Variants in RALGPS1 observed in about 807,000 individuals in gnomAD.
The protein encoded by RALGPS1 is Ral GEF with PH domain and SH3 binding motif 1, also known as ras-specific guanine nucleotide-releasing factor RalGPS1.
Under a neutral mutation model 78.8 loss-of-function variants are expected in RALGPS1, and 19 were observed. The observed-to-expected ratio is 0.24, with a 90% CI of 0.17 to 0.35. RALGPS1 has a LOEUF of 0.35. RALGPS1 is among the 10% of genes least tolerant of loss of function. The pLI is 1.00. For synonymous variants in RALGPS1, 228 were observed against 256.3 expected (o/e 0.89, Z 1.06); for missense variants, 454 against 688.3 (o/e 0.66, Z 3.81).
intron 1 of RALGPS1, among the ~76,000 whole-genome samples, chr9:126,950,326 A>G (rs1044495103): frequency 1.3e-5 from 2 of 152,196 alleles, no homozygotes; most frequent in Non-Finnish European, 2.9e-5. Flanking sequence ...TGAACTTTAA[A>G]GTAGTTTTTT....
chr9:127,189,800 G>C (rs2060923323), intron 11 of RALGPS1, among the ~76,000 whole-genome samples: 1 of 151,972 alleles, frequency 6.6e-6, no homozygotes, highest in Non-Finnish European at 1.5e-5. Context: ...GCCTAACCCA[G>C]CGAGGGGCCA....
At chr9:126,982,949 T>TTTTC (rs2041451762) in intron 4 of RALGPS1, among the ~76,000 whole-genome samples, 1 of 136,624 alleles carries the variant, frequency 7.3e-6, no homozygotes, top group Non-Finnish European at 1.6e-5. Context: ...TTTTTTTTTT[T>TTTTC]TTTTGAGGTG....
At chr9:127,149,330 T>A (rs563640968) in intron 8 of RALGPS1, among the ~76,000 whole-genome samples, 10 of 152,180 alleles carry the variant, frequency 6.6e-5, no homozygotes, top group Admixed American at 1.3e-4. Flanking sequence ...CTCAGAAGGT[T>A]TTGTTGTGAG....
intron 9 of RALGPS1, among the ~76,000 whole-genome samples, chr9:127,167,798 C>A (rs1008543195): frequency 6.6e-6 from 1 of 152,242 alleles, no homozygotes; most frequent in Non-Finnish European, 1.5e-5. Flanking sequence ...CTTTTCTGTT[C>A]CTCTTCACGA....
chr9:126,923,977 A>T (rs751638525), intron 1 of RALGPS1, among the ~76,000 whole-genome samples: 2 of 152,228 alleles, frequency 1.3e-5, no homozygotes, highest in Non-Finnish European at 2.9e-5. Context: ...AATGAGCATC[A>T]CTATGGCCTT....
intron 8 of RALGPS1, chr9:127,108,717 G>C: frequency 1.2e-6 from 2 of 1,607,960 alleles, no homozygotes; most frequent in Non-Finnish European, 1.7e-6. Flanking sequence ...AGCATGTCAC[G>C]CACAGTGGCC....
intron 8 of RALGPS1, among the ~76,000 whole-genome samples, chr9:127,077,503 C>T (rs1387405245): frequency 3.3e-5 from 5 of 152,210 alleles, no homozygotes; most frequent in South Asian, 2.1e-4. Context: ...AAGGATGCGG[C>T]AGAGCTGCTG....
chr9:127,083,723 T>C (rs1005439833), intron 8 of RALGPS1, among the ~76,000 whole-genome samples: 1 of 152,196 alleles, frequency 6.6e-6, no homozygotes, highest in African/African-American at 2.4e-5. Flanking sequence ...GGACTTTTCT[T>C]TTCCCAGTCA....
intron 11 of RALGPS1, among the ~76,000 whole-genome samples, chr9:127,188,832 T>TTTAAAAAAAAAAAAAAAAAAAAAAAAAAA (rs756481918): frequency 1.1e-5 from 1 of 87,472 alleles, no homozygotes; most frequent in African/African-American, 4.3e-5. Context: ...CCATCTCTAC[T>TTTAAAAAAAAAAAAAAAAAAAAAAAAAAA]AAAAAAAAAA....
intron 8 of RALGPS1, among the ~76,000 whole-genome samples, chr9:127,102,324 C>T (rs772828735): frequency 2.2e-5 from 3 of 137,958 alleles, no homozygotes; most frequent in Non-Finnish European, 4.6e-5. Context: ...TAACTTAATA[C>T]TACTTTATTT....
At chr9:127,065,419 A>G (rs983867666) in intron 7 of RALGPS1, among the ~76,000 whole-genome samples, 2 of 151,880 alleles carry the variant, frequency 1.3e-5, no homozygotes, top group Non-Finnish European at 2.9e-5. Flanking sequence ...GCCTTAAAAT[A>G]TTTTTGTAGA....
intron 11 of RALGPS1, chr9:127,184,116 A>T (rs1384037060): frequency 6.9e-7 from 1 of 1,450,792 alleles, no homozygotes; most frequent in African/African-American, 1.4e-5. Context: ...ACTTGAGCCC[A>T]GGAGTTCAAG....
chr9:127,157,830 C>T (rs2058787736), intron 8 of RALGPS1, among the ~76,000 whole-genome samples: 1 of 152,064 alleles, frequency 6.6e-6, no homozygotes, highest in African/African-American at 2.4e-5. Context: ...CATTTGTTGT[C>T]TTGCTTTATC....
At chr9:126,942,321 T>G (rs143453498) in intron 1 of RALGPS1, among the ~76,000 whole-genome samples, 2,227 of 152,262 alleles carry the variant, frequency 0.015, 30 homozygotes, top group Middle Eastern at 0.065. Flanking sequence ...TTTTAAAAAT[T>G]TGATCTGTGT....
chr9:127,207,246 C>A (rs2061984756), intron 14 of RALGPS1, among the ~76,000 whole-genome samples: 1 of 152,142 alleles, frequency 6.6e-6, no homozygotes, highest in African/African-American at 2.4e-5. Context: ...TCACCTTGTA[C>A]ACCCCTTGGG....
At chr9:127,124,118 A>G (rs1589626496) in intron 8 of RALGPS1, among the ~76,000 whole-genome samples, 2 of 152,198 alleles carry the variant, frequency 1.3e-5, no homozygotes, top group East Asian at 1.9e-4. Flanking sequence ...AGACCCTGAC[A>G]CTTCACCCAT....
At position 126,966,224 on chromosome 9, in the gene RALGPS1, AAATTCATGTACAG is replaced by A. The variant is rs1222799683; in HGVS notation, c.165+275_165+287del. On this transcript the variant is annotated intron_variant, in intron 3 of 18. Transcript: ENST00000259351. ...GTTTGTGGAGAACGTGCAATTTAAAAAATTCATGTACAGACTGGGCAAGGTGGCTCACGCCTAT... is the reference window on the plus strand; with the variant it reads ...GTTTGTGGAGAACGTGCAATTTAAAAACTGGGCAAGGTGGCTCACGCCTAT... 6.6e-5 allele frequency among the ~76,000 whole-genome samples: 10 copies of A among 152,300 alleles called. No individual in the cohort carries two copies. In the East Asian group the frequency reaches 1.7e-3, roughly 26 times the overall value.
chr9:127,209,177 T>G (rs2062097768), intron 14 of RALGPS1, among the ~76,000 whole-genome samples: 1 of 152,194 alleles, frequency 6.6e-6, no homozygotes, highest in Non-Finnish European at 1.5e-5. Context: ...TCCCCGGTGA[T>G]TCTCAGAAGA....
intron 8 of RALGPS1, among the ~76,000 whole-genome samples, chr9:127,119,006 C>T (rs1269600024): frequency 1.3e-5 from 2 of 152,138 alleles, no homozygotes; most frequent in Admixed American, 6.5e-5. Context: ...ATGTAGAAAG[C>T]GCATCAATAG....
Sources: allele counts gnomAD v4.1 joint callset (sites outside exome capture counted in the v4.1 genomes callset), GRCh38; gene constraint gnomAD v4.1.1; transcripts MANE v1.5; gene names NCBI Gene and HGNC (gene_info 2026-07-23, HGNC 2026-07-21).